NPAS3: variants seen among roughly 807,000 people sequenced by gnomAD.
The protein encoded by NPAS3 is neuronal PAS domain-containing protein 3.
NPAS3 carries 14 observed loss-of-function variants against 73.1 expected under a neutral mutation model. The observed-to-expected ratio is 0.19, with a 90% CI of 0.13 to 0.30. NPAS3 has a LOEUF of 0.30. NPAS3 is among the 10% of genes least tolerant of loss of function. NPAS3 has a pLI of 1.00. For missense variants in NPAS3, 1,096 were observed against 1,250.0 expected, an observed-to-expected ratio of 0.88 and a Z score of 1.86; for synonymous variants, 620 against 541.5, an observed-to-expected ratio of 1.14 and a Z score of -2.01.
chr14:33,701,803 T>C (rs1301848255), intron 6 of NPAS3, among the ~76,000 whole-genome samples: 1 of 152,230 alleles, frequency 6.6e-6, no homozygotes, highest in African/African-American at 2.4e-5. Context: ...GCCCATGAGG[T>C]ACAATTTGTG....
chr14:33,441,532 G>T (rs1341722682), intron 4 of NPAS3, among the ~76,000 whole-genome samples: 2 of 152,154 alleles, frequency 1.3e-5, no homozygotes, highest in African/African-American at 4.8e-5. Flanking sequence ...TAGCAAACTT[G>T]TTCCCTTTGA....
chr14:33,491,466 A>G (rs1248807484), intron 4 of NPAS3, among the ~76,000 whole-genome samples: 3 of 152,130 alleles, frequency 2.0e-5, no homozygotes, highest in African/African-American at 7.2e-5. Flanking sequence ...ACAGTCTAAG[A>G]TGGTAGGCAC....
chr14:33,373,901 A>C (rs549681279), intron 4 of NPAS3, among the ~76,000 whole-genome samples: 5 of 152,282 alleles, frequency 3.3e-5, no homozygotes, highest in African/African-American at 1.2e-4. Flanking sequence ...AGTGGATCAG[A>C]AAAGGCTAGG....
intron 2 of NPAS3, among the ~76,000 whole-genome samples, chr14:33,169,557 G>C (rs1460278952): frequency 1.3e-5 from 2 of 152,166 alleles, no homozygotes; most frequent in Non-Finnish European, 2.9e-5. Flanking sequence ...GACAGAGCAA[G>C]ACTCTGTCTC....
intron 3 of NPAS3, among the ~76,000 whole-genome samples, chr14:33,350,223 T>A (rs117277815): frequency 0.015 from 2,235 of 152,306 alleles, 24 homozygotes; most frequent in South Asian, 0.041. Flanking sequence ...ATAGTTCACA[T>A]CTATAAAAGT....
rs1385510686 is a variant in NPAS3 at position 33,200,024 on chromosome 14, T to G, written c.141-15158T>G. Among the ~76,000 whole-genome samples the G allele has an allele frequency of 4.6e-5, 7 of 152,174 alleles. No individual in the cohort carries two copies. The South Asian group carries it at 1.5e-3, about 32-fold the overall frequency. On this transcript the variant is annotated intron_variant, in intron 2 of 11. Transcript: ENST00000356141. ...ATCACTTATTTTGAGGGGACTACATTTGACTCATTGTTAAAGGGCTATTTT... is the reference window on the plus strand; with the variant it reads ...ATCACTTATTTTGAGGGGACTACATGTGACTCATTGTTAAAGGGCTATTTT...
intron 1 of NPAS3, among the ~76,000 whole-genome samples, chr14:32,953,180 T>C (rs962230693): frequency 3.4e-5 from 5 of 147,444 alleles, no homozygotes; most frequent in African/African-American, 1.3e-4. Context: ...AGTGTTGAAA[T>C]AGAATTTAAA....
intron 6 of NPAS3, among the ~76,000 whole-genome samples, chr14:33,710,336 G>T (rs923547396): frequency 4.6e-5 from 7 of 152,138 alleles, no homozygotes; most frequent in African/African-American, 1.7e-4. Flanking sequence ...TTGTGAATGG[G>T]GACAAATAGC....
chr14:33,187,910 A>C (rs1329053386), intron 2 of NPAS3, among the ~76,000 whole-genome samples: 1 of 152,168 alleles, frequency 6.6e-6, no homozygotes, highest in Non-Finnish European at 1.5e-5. Context: ...TATTTTCTCT[A>C]ACATCTCTGA....
chr14:33,139,802 A>C (rs1418529392), intron 2 of NPAS3, among the ~76,000 whole-genome samples: 1 of 152,214 alleles, frequency 6.6e-6, no homozygotes, highest in African/African-American at 2.4e-5. Context: ...TGTAATAAAC[A>C]GTGCAGATCG....
At chr14:33,576,286 A>T (rs181845298) in intron 5 of NPAS3, among the ~76,000 whole-genome samples, 7 of 152,284 alleles carry the variant, frequency 4.6e-5, no homozygotes, top group African/African-American at 1.4e-4. Flanking sequence ...CATCCCTTTC[A>T]GTTCCACCAC....
intron 4 of NPAS3, among the ~76,000 whole-genome samples, chr14:33,369,005 C>A (rs2045962083): frequency 6.6e-6 from 1 of 152,116 alleles, no homozygotes; most frequent in Admixed American, 6.6e-5. Flanking sequence ...CTCCAAAGGC[C>A]TATGAGTAAG....
At chr14:33,348,797 A>AT (rs2044878179) in intron 3 of NPAS3, among the ~76,000 whole-genome samples, 1 of 152,160 alleles carries the variant, frequency 6.6e-6, no homozygotes, top group Non-Finnish European at 1.5e-5. Flanking sequence ...GTAATCGTTT[A>AT]TTTACTTGTC....
intron 3 of NPAS3, among the ~76,000 whole-genome samples, chr14:33,355,116 G>T (rs1479659390): frequency 6.6e-6 from 1 of 152,150 alleles, no homozygotes; most frequent in Admixed American, 6.5e-5. Flanking sequence ...CCCATGCCTT[G>T]CTCAGCAGTT....
chr14:33,564,686 A>G (rs1260381320), intron 5 of NPAS3, among the ~76,000 whole-genome samples: 2 of 152,214 alleles, frequency 1.3e-5, no homozygotes, highest in East Asian at 3.8e-4. Flanking sequence ...AGGACATGAG[A>G]GACTCAGTTA....
chr14:33,704,373 T>C (rs889360600), intron 6 of NPAS3, among the ~76,000 whole-genome samples: 3 of 152,240 alleles, frequency 2.0e-5, no homozygotes, highest in Admixed American at 6.5e-5. Flanking sequence ...TAACATGGGA[T>C]TAACCAAGTA....
At chr14:33,049,721 CA>C (rs2138481385) in intron 1 of NPAS3, among the ~76,000 whole-genome samples, 1 of 152,288 alleles carries the variant, frequency 6.6e-6, no homozygotes, top group South Asian at 2.1e-4. Flanking sequence ...CTAGTAGCGG[CA>C]GAGCTCCAAG....
intron 1 of NPAS3, among the ~76,000 whole-genome samples, chr14:32,994,361 G>T (rs1286708293): frequency 6.6e-6 from 1 of 151,960 alleles, no homozygotes; most frequent in Admixed American, 6.6e-5. Flanking sequence ...ATTATGACAA[G>T]TGAATACTAC....
chr14:33,383,355 T>A (rs973382891), intron 4 of NPAS3, among the ~76,000 whole-genome samples: 8 of 152,170 alleles, frequency 5.3e-5, no homozygotes, highest in African/African-American at 1.9e-4. Context: ...TGATGGTTAA[T>A]TGTCCCTTTT....
Sources: allele counts gnomAD v4.1 joint callset (sites outside exome capture counted in the v4.1 genomes callset), GRCh38; gene constraint gnomAD v4.1.1; transcripts MANE v1.5; gene names NCBI Gene and HGNC (gene_info 2026-07-23, HGNC 2026-07-21).